DPRX: variants seen among roughly 807,000 people sequenced by gnomAD.
The protein encoded by DPRX is divergent paired-related homeobox.
Under a neutral mutation model 8.4 loss-of-function variants are expected in DPRX, and 11 were observed. That is an observed-to-expected ratio of 1.31 (90% CI 0.82 to 2.17). The LOEUF (loss-of-function observed/expected upper bound fraction) is 2.17. DPRX is among the 30% of genes most tolerant of loss of function. DPRX has a pLI of 0.00. For missense variants in DPRX, 211 were observed against 236.7 expected (o/e 0.89, Z 0.71); for synonymous variants, 72 against 87.0 (o/e 0.83, Z 0.96).
the DPRX span, among the ~76,000 whole-genome samples, chr19:53,618,522 G>A: frequency 1.0e-4 from 15 of 150,556 alleles, no homozygotes; most frequent in Non-Finnish European, 1.5e-4. Context: ...TGTAATCCTA[G>A]CACTTTGGGA....
the DPRX span, among the ~76,000 whole-genome samples, chr19:53,618,136 CTG>C: frequency 5.5e-5 from 7 of 128,404 alleles, no homozygotes; most frequent in African/African-American, 1.9e-4. Context: ...GAGCGAGACT[CTG>C]TTTCAAAAAA....
At chr19:53,615,163 A>C in the DPRX span, among the ~76,000 whole-genome samples, 89 of 151,936 alleles carry the variant, frequency 5.9e-4, no homozygotes, top group Non-Finnish European at 6.9e-4. Flanking sequence ...GTAGAGACAG[A>C]GTTTCACCAT....
chr19:53,634,696 G>T lies in DPRX; in HGVS notation c.183+11G>T. ...CCAACAGTACTGCAGGTTGGAAAATGATCCCTCTTCTCACTAAACTGCCTT... is the reference window on the plus strand; with the variant it reads ...CCAACAGTACTGCAGGTTGGAAAATTATCCCTCTTCTCACTAAACTGCCTT... On this transcript the variant is annotated intron_variant, in intron 2 of 2. Coordinates refer to ENST00000376650, the Ensembl canonical transcript of DPRX. 2 of 1,608,472 alleles carry T rather than the reference G, an allele frequency of 1.2e-6. No homozygotes were observed. Among genetic ancestry groups the T allele is most frequent in the South Asian group, 1.1e-5 (1 of 90,034 alleles).
At chr19:53,601,316 T>A in the DPRX span, 4 of 456,404 alleles carry the variant, frequency 8.8e-6, 1 homozygote, top group Non-Finnish European at 1.8e-5. Flanking sequence ...GTCATCTGCA[T>A]CATCAGGTAA....
intron 2 of DPRX, among the ~76,000 whole-genome samples, chr19:53,635,299 T>A (rs2091108121): frequency 6.6e-6 from 1 of 152,232 alleles, no homozygotes; most frequent in Admixed American, 6.5e-5. Flanking sequence ...CATAAGCCAC[T>A]GCGCCTGGCC....
At chr19:53,631,183 G>A (rs994512509), upstream of DPRX, among the ~76,000 whole-genome samples, 1 of 151,544 alleles carries the variant, frequency 6.6e-6, no homozygotes, top group African/African-American at 2.4e-5. Context: ...CCCAGCTACT[G>A]GGAAGGCTGA....
chr19:53,626,844 G>T, the DPRX span, among the ~76,000 whole-genome samples: 2 of 152,034 alleles, frequency 1.3e-5, no homozygotes, highest in Non-Finnish European at 2.9e-5. Flanking sequence ...GATTATAGGC[G>T]CCTGCCATCA....
upstream of DPRX, among the ~76,000 whole-genome samples, chr19:53,630,712 T>C (rs2091089359): frequency 6.6e-6 from 1 of 151,926 alleles, no homozygotes; most frequent in Non-Finnish European, 1.5e-5. Context: ...AGTAGAGATG[T>C]GCAGAACTGA....
At chr19:53,601,750 G>A in the DPRX span, among the ~76,000 whole-genome samples, 1 of 152,046 alleles carries the variant, frequency 6.6e-6, no homozygotes, top group African/African-American at 2.4e-5. Context: ...CCAAAGTGCT[G>A]GGATTACAGG....
rs748109071 is a variant in DPRX, at chr19:53,634,705, T to C, written c.183+20T>C. ...CTGCAGGTTGGAAAATGATCCCTCT[T>C]CTCACTAAACTGCCTTCCTGATCTA... On this transcript the variant is annotated intron_variant, in intron 2 of 2. Coordinates refer to ENST00000376650, the Ensembl canonical transcript of DPRX. The C allele has an allele frequency of 1.9e-6, 3 of 1,605,896 alleles. No individual in the cohort carries two copies. The African/African-American group carries it at 4.0e-5, about 22-fold the overall frequency.
chr19:53,605,716 G>A, the DPRX span, among the ~76,000 whole-genome samples: 4 of 151,802 alleles, frequency 2.6e-5, no homozygotes, highest in East Asian at 1.9e-4. Flanking sequence ...CCAGGCTGGC[G>A]TGCAGTGGTG....
chr19:53,632,914 G>A (rs2091098535), intron 1 of DPRX, among the ~76,000 whole-genome samples: 1 of 152,142 alleles, frequency 6.6e-6, no homozygotes, highest in Non-Finnish European at 1.5e-5. Context: ...TAGAATATAG[G>A]CTTAGCCAAG....
At chr19:53,629,673 G>A (rs1017804835), upstream of DPRX, 5 of 151,676 alleles carry the variant, frequency 3.3e-5, no homozygotes, top group African/African-American at 9.7e-5. Flanking sequence ...ATTGTTGCTT[G>A]GTATGTCTTA....
chr19:53,603,416 G>A, the DPRX span: 1 of 456,530 alleles, frequency 2.2e-6, no homozygotes, highest in Non-Finnish European at 4.4e-6. Context: ...TGCTGACAGG[G>A]CTCCACAGAC....
the DPRX span, chr19:53,608,241 A>G: frequency 6.6e-6 from 1 of 151,746 alleles, no homozygotes; most frequent in Admixed American, 6.6e-5. Context: ...AAAATAAAAA[A>G]AAATAAAATA....
At chr19:53,621,629 C>CA in the DPRX span, among the ~76,000 whole-genome samples, 111 of 151,920 alleles carry the variant, frequency 7.3e-4, 1 homozygote, top group Middle Eastern at 3.4e-3. Context: ...AACGCTAATA[C>CA]AAAAAATTAG....
the DPRX span, among the ~76,000 whole-genome samples, chr19:53,603,023 A>G: frequency 4.4e-5 from 5 of 112,578 alleles, no homozygotes; most frequent in Admixed American, 9.5e-5. Flanking sequence ...GTGTGTATAT[A>G]TGTGTGTGTG....
upstream of DPRX, among the ~76,000 whole-genome samples, chr19:53,629,315 CA>C (rs57730463): frequency 0.7 from 71,802 of 102,464 alleles, 22,803 homozygotes; most frequent in Admixed American, 0.75. Context: ...GACTCTGTCT[CA>C]AAAAAAAAAA....
At chr19:53,616,904 A>G in the DPRX span, 81 of 1,468,422 alleles carry the variant, frequency 5.5e-5, no homozygotes, top group Non-Finnish European at 7.5e-5. Context: ...ATGACTATGT[A>G]TGCTCTGGTG....
Sources: allele counts gnomAD v4.1 joint callset (sites outside exome capture counted in the v4.1 genomes callset), GRCh38; gene constraint gnomAD v4.1.1; transcripts MANE v1.5; gene names NCBI Gene and HGNC (gene_info 2026-07-23, HGNC 2026-07-21).